Variants in SPON1 observed in about 807,000 individuals in gnomAD.
The protein encoded by SPON1 is spondin 1.
Under a neutral mutation model 111.7 loss-of-function variants are expected in SPON1, and 52 were observed. That is an observed-to-expected ratio of 0.47 (90% CI 0.37 to 0.59). The LOEUF (loss-of-function observed/expected upper bound fraction) is 0.59, where lower values mean the gene tolerates loss of function less well. SPON1 is among the 20% of genes least tolerant of loss of function. SPON1 has a pLI of 0.00. For synonymous variants in SPON1, 410 were observed against 395.8 expected (o/e 1.04, Z -0.43); for missense variants, 957 against 1,068.5 (o/e 0.90, Z 1.46).
intron 6 of SPON1, among the ~76,000 whole-genome samples, chr11:14,185,631 G>A (rs557996398): frequency 5.9e-5 from 9 of 152,270 alleles, no homozygotes; most frequent in African/African-American, 2.2e-4. Flanking sequence ...TCACTGCAGA[G>A]TAAAGTTGGG....
At chr11:14,050,801 G>T (rs1418510046) in intron 3 of SPON1, among the ~76,000 whole-genome samples, 1 of 152,176 alleles carries the variant, frequency 6.6e-6, no homozygotes, top group African/African-American at 2.4e-5. Flanking sequence ...GTAAACCGGG[G>T]AAGCCACTAT....
At chr11:14,174,554 T>C (rs7930317) in intron 6 of SPON1, among the ~76,000 whole-genome samples, 26,838 of 151,644 alleles carry the variant, frequency 0.18, 2,510 homozygotes, top group Admixed American at 0.24. Flanking sequence ...GTTTTTTTTT[T>C]CCCCAAAATG....
rs192908325 is a variant in SPON1 at position 14,262,542 on chromosome 11, G to A, written c.1997-170G>A. The A allele has an allele frequency of 1.4e-3, 1,135 of 809,056 alleles. 5 individuals are homozygous for A. In the African/African-American group the frequency reaches 0.017, roughly 12 times the overall value. The allele number at this position is 809,056 out of a possible 1,614,324, so 50.1% of individuals were successfully genotyped here. ...TGCCTCTGCTGCTTACCAACCACAC[G>A]GGCTGAAGTCAGCCTGCCTCTTTGG... On this transcript the variant is annotated intron_variant, in intron 14 of 15. Transcript: ENST00000576479.
intron 2 of SPON1, among the ~76,000 whole-genome samples, chr11:14,031,292 T>G (rs1848557104): frequency 6.6e-6 from 1 of 152,198 alleles, no homozygotes. Context: ...GTAACAAACC[T>G]GTACATGTAC....
intron 1 of SPON1, among the ~76,000 whole-genome samples, chr11:13,980,690 G>A (rs1202193401): frequency 6.6e-6 from 1 of 152,134 alleles, no homozygotes; most frequent in Non-Finnish European, 1.5e-5. Flanking sequence ...TTTAACAGGA[G>A]GCTGCATATC....
chr11:14,069,390 A>G (rs531515549), intron 3 of SPON1, among the ~76,000 whole-genome samples: 1 of 152,250 alleles, frequency 6.6e-6, no homozygotes, highest in South Asian at 2.1e-4. Context: ...AGTCCTGATG[A>G]ATTTTCCTAC....
chr11:14,040,750 A>G (rs1306934246), intron 2 of SPON1, among the ~76,000 whole-genome samples: 1 of 152,202 alleles, frequency 6.6e-6, no homozygotes, highest in African/African-American at 2.4e-5. Flanking sequence ...AATGCTATCA[A>G]CACTATTCAT....
At chr11:14,103,057 A>G (rs988403288) in intron 5 of SPON1, among the ~76,000 whole-genome samples, 1 of 152,044 alleles carries the variant, frequency 6.6e-6, no homozygotes, top group Non-Finnish European at 1.5e-5. Context: ...TCTGCCTGGT[A>G]GTGTATGATG....
At chr11:14,106,838 G>T (rs1849188686) in intron 5 of SPON1, among the ~76,000 whole-genome samples, 1 of 152,096 alleles carries the variant, frequency 6.6e-6, no homozygotes, top group Non-Finnish European at 1.5e-5. Flanking sequence ...TGAAAGTTAT[G>T]AGTCAAATGC....
chr11:13,985,728 G>T lies in SPON1; in HGVS notation c.345+2775G>T, dbSNP rs75262465. On this transcript the variant is annotated intron_variant, in intron 2 of 15. Transcript: ENST00000576479. ...TCAGTATTGTTATCTTCATTTTTCAGATGATGAAACTGAGTCCCCAAGGAG... is the reference window on the plus strand; with the variant it reads ...TCAGTATTGTTATCTTCATTTTTCATATGATGAAACTGAGTCCCCAAGGAG... Among the ~76,000 whole-genome samples the T allele has an allele frequency of 5.2e-4, 79 of 152,154 alleles. 1 individual carries two copies. The East Asian group carries it at 0.013, about 24-fold the overall frequency.
chr11:14,262,514 TC>T, intron 14 of SPON1, 197 bp from the exon 15 acceptor site: 1 of 655,090 alleles, frequency 1.5e-6, no homozygotes, highest in South Asian at 1.9e-5. Context: ...CTGGCACCAA[TC>T]CTGCCTCTGC....
chr11:14,097,619 A>C (rs1271716271), intron 5 of SPON1, among the ~76,000 whole-genome samples: 2 of 152,128 alleles, frequency 1.3e-5, no homozygotes, highest in African/African-American at 4.8e-5. Flanking sequence ...CTATTTGCCT[A>C]GCTGGGCATG....
intron 6 of SPON1, among the ~76,000 whole-genome samples, chr11:14,153,998 T>G (rs1456662903): frequency 6.6e-6 from 1 of 152,204 alleles, no homozygotes; most frequent in Non-Finnish European, 1.5e-5. Flanking sequence ...CAGGCCATAC[T>G]GATGCAAATG....
chr11:14,168,578 G>A (rs1848060717), intron 6 of SPON1, among the ~76,000 whole-genome samples: 1 of 151,748 alleles, frequency 6.6e-6, no homozygotes, highest in Admixed American at 6.6e-5. Flanking sequence ...ATGTATACAT[G>A]AGCCATGTTG....
At chr11:13,977,973 T>C (rs1299351495) in intron 1 of SPON1, among the ~76,000 whole-genome samples, 1 of 152,138 alleles carries the variant, frequency 6.6e-6, no homozygotes, top group Admixed American at 6.5e-5. Context: ...GTGAAAGTAA[T>C]TGTGGTTTTT....
intron 6 of SPON1, among the ~76,000 whole-genome samples, chr11:14,201,215 C>CTG (rs1389042902): frequency 6.6e-6 from 1 of 151,852 alleles, no homozygotes; most frequent in Non-Finnish European, 1.5e-5. Flanking sequence ...TGGCGGGCAC[C>CTG]TGTAGTCCCA....
chr11:14,231,959 TCTC>T (rs1554938798), intron 6 of SPON1, among the ~76,000 whole-genome samples: 1 of 147,278 alleles, frequency 6.8e-6, no homozygotes, highest in Non-Finnish European at 1.5e-5. Flanking sequence ...TTTGTTTCTC[TCTC>T]CTCCTACGCC....
At chr11:14,017,195 G>C (rs1591352149) in intron 2 of SPON1, among the ~76,000 whole-genome samples, 1 of 152,246 alleles carries the variant, frequency 6.6e-6, no homozygotes, top group East Asian at 1.9e-4. Context: ...AAATGACCAG[G>C]TATAACTGGT....
chr11:14,235,377 A>G (rs1339188898), intron 6 of SPON1, among the ~76,000 whole-genome samples: 1 of 152,106 alleles, frequency 6.6e-6, no homozygotes, highest in Non-Finnish European at 1.5e-5. Context: ...AGGGGGAGAT[A>G]GACAATAAAA....
Sources: gnomAD v4.1 joint callset for allele counts (sites outside exome capture counted in the v4.1 genomes callset) on GRCh38, gnomAD v4.1.1 for gene constraint, MANE v1.5 for transcripts, NCBI Gene and HGNC (gene_info 2026-07-23, HGNC 2026-07-21) for gene names.